Variants in MARK4 observed in about 807,000 individuals in gnomAD.
MARK4 encodes MAP/microtubule affinity-regulating kinase 4.
MARK4 carries 19 observed loss-of-function variants against 81.5 expected under a neutral mutation model. That is an observed-to-expected ratio of 0.23 (90% CI 0.16 to 0.34). The LOEUF (loss-of-function observed/expected upper bound fraction) is 0.34, where lower values mean the gene tolerates loss of function less well. Ranked by LOEUF, MARK4 falls within the 10% of genes least tolerant of loss-of-function variation. MARK4 has a pLI of 1.00. For missense variants in MARK4, 772 were observed against 1,058.8 expected (o/e 0.73, Z 3.76); for synonymous variants, 436 against 439.0 (o/e 0.99, Z 0.08).
chr19:45,280,057 A>T, intron 10 of MARK4: 1 of 319,766 alleles, frequency 3.1e-6, no homozygotes, highest in Non-Finnish European at 6.0e-6. Flanking sequence ...CACAGAAATG[A>T]GTGGAAGTGG....
intron 1 of MARK4, among the ~76,000 whole-genome samples, chr19:45,255,656 T>G (rs919276907): frequency 3.3e-5 from 5 of 151,114 alleles, no homozygotes; most frequent in African/African-American, 1.2e-4. Context: ...ATGGAGATAA[T>G]AGTGTGGTAA....
chr19:45,283,065 C>T (rs565637103), intron 12 of MARK4, among the ~76,000 whole-genome samples: 9 of 151,876 alleles, frequency 5.9e-5, no homozygotes, highest in South Asian at 2.1e-4. Context: ...TCATGATGAC[C>T]GATTTCAGAA....
chr19:45,275,272 AAG>A (rs1462449947), intron 8 of MARK4, among the ~76,000 whole-genome samples: 1 of 152,012 alleles, frequency 6.6e-6, no homozygotes, highest in Admixed American at 6.6e-5. Flanking sequence ...AAAAAATAAA[AAG>A]AGTTTGACAC....
chr19:45,294,435 A>G lies in MARK4; in HGVS notation c.1581A>G (p.Pro527=), dbSNP rs959085024. Residue 527 remains proline (P), a synonymous_variant, in exon 14 of 17, where the codon CCA becomes CCG. Coordinates refer to ENST00000262891, the MANE Select transcript of MARK4 (RefSeq NM_001199867.2). The part of the protein sequence containing the change: ...RPGAERPSLL[P]NGKENSSGTP... ...GGGCTGAGCGCCCGTCACTGTTGCC[A>G]AATGGGAAAGAAAACAGGTACGGAG... 7 of 1,613,990 alleles carry G rather than the reference A, an allele frequency of 4.3e-6. No homozygotes were observed. The highest frequency in any genetic ancestry group is 4.2e-6 in the Non-Finnish European group (5 of 1,180,034).
chr19:45,287,239 G>T (rs1193871323), intron 12 of MARK4, among the ~76,000 whole-genome samples: 1 of 151,788 alleles, frequency 6.6e-6, no homozygotes, highest in Non-Finnish European at 1.5e-5. Context: ...GCAATGAATG[G>T]CCTGTATGTG....
intron 2 of MARK4, 137 bp downstream of exon 2, chr19:45,259,326 T>A: frequency 1.1e-6 from 1 of 880,658 alleles, no homozygotes; most frequent in Non-Finnish European, 1.7e-6. Context: ...ATGGGACAGG[T>A]CACAATATCT....
intron 7 of MARK4, among the ~76,000 whole-genome samples, chr19:45,270,739 A>AC (rs1231287081): frequency 6.6e-6 from 1 of 152,074 alleles, no homozygotes; most frequent in African/African-American, 2.4e-5. Flanking sequence ...ACCTGGGACT[A>AC]CTGGCGCACA....
chr19:45,294,310 T>G, intron 13 of MARK4, 39 bp from the exon 14 acceptor site: 1 of 1,589,962 alleles, frequency 6.3e-7, no homozygotes, highest in South Asian at 1.1e-5. Context: ...GGGGCATGTC[T>G]TCACCCCCTC....
intron 3 of MARK4, 51 bp downstream of exon 3, chr19:45,263,217 G>C: frequency 6.2e-7 from 1 of 1,613,156 alleles, no homozygotes; most frequent in African/African-American, 1.3e-5. Flanking sequence ...CGGCACAGCC[G>C]GGTGACCCAC....
chr19:45,299,190 C>T (rs1488597021), intron 15 of MARK4, among the ~76,000 whole-genome samples: 2 of 151,700 alleles, frequency 1.3e-5, no homozygotes, highest in African/African-American at 2.4e-5. Flanking sequence ...AATCCCAGCA[C>T]TTTGGACAGA....
chr19:45,255,559 C>CAAAA (rs34066317), intron 1 of MARK4, among the ~76,000 whole-genome samples: 3 of 90,256 alleles, frequency 3.3e-5, no homozygotes, highest in African/African-American at 1.6e-4. Flanking sequence ...GAAACTCTGC[C>CAAAA]AAAAAAAAAA....
chr19:45,270,548 C>T (rs1008106936), intron 7 of MARK4, among the ~76,000 whole-genome samples: 1 of 152,118 alleles, frequency 6.6e-6, no homozygotes, highest in East Asian at 1.9e-4. Flanking sequence ...CTGCAGACCA[C>T]ATGGGGTAAT....
intron 13 of MARK4, among the ~76,000 whole-genome samples, chr19:45,292,963 T>G (rs1042014988): frequency 2.6e-5 from 4 of 151,838 alleles, no homozygotes; most frequent in African/African-American, 2.4e-5. Flanking sequence ...AAAGTTGGTT[T>G]TTTGAAAAGA....
At chr19:45,263,634 C>T (rs57757756) in intron 4 of MARK4, among the ~76,000 whole-genome samples, 2,088 of 151,376 alleles carry the variant, frequency 0.014, 49 homozygotes, top group African/African-American at 0.047. Context: ...CCCAGCTACT[C>T]GGGAGGCTGA....
Position 45,299,845 on chromosome 19 carries a change from G to A in MARK4, c.1912G>A (p.Glu638Lys). 6.2e-7 allele frequency: 1 copy of A among 1,605,948 alleles called. No individual in the cohort carries two copies. The highest frequency in any genetic ancestry group is 8.5e-7 in the Non-Finnish European group (1 of 1,174,676). Residue 638 changes from glutamate (E) to lysine (K), a missense_variant, in exon 16 of 17, where the codon GAG becomes AAG. Coordinates refer to ENST00000262891, the MANE Select transcript of MARK4 (RefSeq NM_001199867.2). Reference protein sequence around the residue: ...ADEPERIGGPEVTSCHLPWDQ... With the variant: ...ADEPERIGGPKVTSCHLPWDQ... ...CGAACCTGAGAGAATCGGGGGACCT[G>A]AGGTCACAAGGTGAGTGCTTGGGCC...
Position 45,294,382 on chromosome 19 carries a change from A to G in MARK4, c.1528A>G (p.Asn510Asp). 6.2e-7 allele frequency: 1 copy of G among 1,614,130 alleles called. No homozygotes were observed. Among genetic ancestry groups the G allele is most frequent in the Non-Finnish European group, 8.5e-7 (1 of 1,180,016 alleles). Residue 510 changes from asparagine (N) to aspartate (D), a missense_variant, in exon 14 of 17, where the codon AAC becomes GAC. Coordinates refer to ENST00000262891, the MANE Select transcript of MARK4 (RefSeq NM_001199867.2). Reference sequence around the variant, plus strand: ...CCCTCCTAGCATGATGACCCGCAGAAACACCTACGTTTGCACAGAACGCCC... The same window carrying G: ...CCCTCCTAGCATGATGACCCGCAGAGACACCTACGTTTGCACAGAACGCCC... Reference protein sequence around the residue: ...NLPPSMMTRRNTYVCTERPGA... With the variant: ...NLPPSMMTRRDTYVCTERPGA...
intron 12 of MARK4, 140 bp downstream of exon 12, chr19:45,280,874 C>T (rs1970665203): frequency 1.6e-6 from 2 of 1,249,554 alleles, no homozygotes; most frequent in Non-Finnish European, 2.2e-6. Context: ...CTTATAAAGA[C>T]ACAGGGCATT....
In MARK4 at chr19:45,271,753, G is replaced by C. The variant is rs373164717; in HGVS notation, c.786+45G>C. On this transcript the variant is annotated intron_variant, in intron 8 of 16. Transcript: ENST00000262891. This position sits in a 1 kb window ranked among gnomAD's most constrained non-coding sequence, Gnocchi z 4.1. ...GCAGGGGCATCAGCCCCTCCCCACA[G>C]TCAGGCCCCTATCCCCCCCACACCT... The C allele has an allele frequency of 1.2e-4, 181 of 1,565,740 alleles. No homozygotes were observed. The highest frequency in any genetic ancestry group is 1.5e-4 in the Non-Finnish European group (175 of 1,145,140).
At chr19:45,258,901 G>A (rs1012956896) in intron 1 of MARK4, 88 bp from the exon 2 acceptor site, 34 of 1,411,146 alleles carry the variant, frequency 2.4e-5, no homozygotes, top group South Asian at 1.8e-4. Context: ...CGGAGGGGCC[G>A]GTAGCCAGGC....
Sources: allele counts gnomAD v4.1 joint callset (sites outside exome capture counted in the v4.1 genomes callset), GRCh38; gene constraint gnomAD v4.1.1; non-coding constraint Gnocchi (gnomAD v3.1); transcripts MANE v1.5; gene names NCBI Gene and HGNC (gene_info 2026-07-23, HGNC 2026-07-21).